ANK1: variants seen among roughly 807,000 people sequenced by gnomAD.
ANK1 encodes ankyrin-1.
ANK1 carries 51 observed loss-of-function variants against 210.4 expected under a neutral mutation model. The ratio of observed to expected loss-of-function variants is 0.24; its 90% confidence interval spans 0.19 to 0.31. The LOEUF (loss-of-function observed/expected upper bound fraction) is 0.31. Ranked by LOEUF, ANK1 falls within the 10% of genes least tolerant of loss-of-function variation. The pLI is 1.00. For synonymous variants in ANK1, 967 were observed against 1,025.9 expected (o/e 0.94, Z 1.10); for missense variants, 2,051 against 2,504.4 (o/e 0.82, Z 3.86).
At chr8:41,849,607 A>C (rs1330644476) in intron 1 of ANK1, among the ~76,000 whole-genome samples, 1 of 152,208 alleles carries the variant, frequency 6.6e-6, no homozygotes, top group African/African-American at 2.4e-5. Context: ...CAAAGGCAGG[A>C]TCCTGAGCAT....
intron 1 of ANK1, among the ~76,000 whole-genome samples, chr8:41,760,868 C>T (rs897849631): frequency 1.3e-5 from 2 of 152,092 alleles, no homozygotes; most frequent in Non-Finnish European, 2.9e-5. Context: ...TCCTCTCCAC[C>T]CAGGCACTTT....
At chr8:41,893,011 T>C (rs1412671650) in intron 1 of ANK1, among the ~76,000 whole-genome samples, 1 of 152,126 alleles carries the variant, frequency 6.6e-6, no homozygotes, top group African/African-American at 2.4e-5. Context: ...TGTGAACCTG[T>C]CACTCAGGGC....
chr8:41,818,398 C>T (rs1315085132), intron 1 of ANK1, among the ~76,000 whole-genome samples: 1 of 152,164 alleles, frequency 6.6e-6, no homozygotes. Context: ...TTGATTTCTG[C>T]TTTTAATCTT....
At chr8:41,833,171 G>A (rs917153569) in intron 1 of ANK1, among the ~76,000 whole-genome samples, 41 of 151,558 alleles carry the variant, frequency 2.7e-4, no homozygotes, top group African/African-American at 1.5e-4. Flanking sequence ...GGCCCATCCC[G>A]GGCCTCCCTC....
chr8:41,687,982 TC>T (rs550645725), intron 35 of ANK1, among the ~76,000 whole-genome samples, 173 bp downstream of exon 35: 101 of 152,276 alleles, frequency 6.6e-4, no homozygotes, highest in Admixed American at 1.8e-3. Flanking sequence ...GGCTCCCCCT[TC>T]ATGGGCAGCC....
At chr8:41,688,306 T>C in intron 34 of ANK1, 76 bp from the exon 35 acceptor site, 4 of 1,521,976 alleles carry the variant, frequency 2.6e-6, no homozygotes, top group Non-Finnish European at 3.6e-6. Context: ...CGGCCTGTGA[T>C]GGATGTGGCT....
At chr8:41,835,901 C>T (rs1025771463) in intron 1 of ANK1, among the ~76,000 whole-genome samples, 2 of 152,206 alleles carry the variant, frequency 1.3e-5, no homozygotes, top group Non-Finnish European at 2.9e-5. Context: ...CCTGGGAGGA[C>T]CCTCATGCCC....
chr8:41,659,343 G>T (rs1187304520), intron 42 of ANK1, among the ~76,000 whole-genome samples: 1 of 152,218 alleles, frequency 6.6e-6, no homozygotes, highest in Admixed American at 6.5e-5. Context: ...GAGGCAGAGT[G>T]TGGCATTGTT....
intron 23 of ANK1, among the ~76,000 whole-genome samples, chr8:41,698,953 C>T (rs964308167): frequency 2.0e-5 from 3 of 151,616 alleles, no homozygotes; most frequent in East Asian, 1.9e-4. Flanking sequence ...CGTGCTGCCA[C>T]GCTCAGCTAT....
intron 2 of ANK1, among the ~76,000 whole-genome samples, chr8:41,750,942 G>A (rs1443160512): frequency 6.6e-6 from 1 of 152,122 alleles, no homozygotes; most frequent in Non-Finnish European, 1.5e-5. Flanking sequence ...CAGCATCATC[G>A]GAATAGAACA....
At chr8:41,761,613 C>T (rs1176151018) in intron 1 of ANK1, among the ~76,000 whole-genome samples, 1 of 152,178 alleles carries the variant, frequency 6.6e-6, no homozygotes, top group Non-Finnish European at 1.5e-5. Flanking sequence ...AGTGTCAAGC[C>T]ACTAAGTGTG....
chr8:41,684,675 G>C lies in ANK1; in HGVS notation c.4406C>G (p.Thr1469Arg). ...GCCACGGTCAATGCTCTGCAGGGCTGTGTACAGATTCTCCACTGTGGGCGC... is the reference window on the plus strand; with the variant it reads ...GCCACGGTCAATGCTCTGCAGGGCTCTGTACAGATTCTCCACTGTGGGCGC... ...GQNANMENLY[T>R]ALQSIDRGEI... Residue 1469 changes from threonine (T) to arginine (R), a missense_variant, in exon 37 of 43, where the codon ACA (threonine) becomes AGA (arginine). Thr to Arg is a moderately conservative substitution (Grantham distance 71, BLOSUM62 -1). This residue lies in a region of ANK1 where 496 missense variants were observed against 533.4 expected (regional missense o/e 0.93). Transcript: ENST00000289734. The C allele has an allele frequency of 9.3e-6, 15 of 1,613,864 alleles. No homozygotes were observed. Among genetic ancestry groups the C allele is most frequent in the Non-Finnish European group, 1.1e-5 (13 of 1,180,008 alleles).
rs948965090 is a variant in ANK1, at chr8:41,889,293, G to A, written c.126+7062C>T. ...TCAGGTGCATCTGGGTTGGAGCCCA[G>A]TTCTGGGGTTATCAACCTATTGGGC... On this transcript the variant is annotated intron_variant, in intron 1 of 42. Transcript: ENST00000265709. Among the ~76,000 whole-genome samples, 9 of 152,228 alleles carry A rather than the reference G, an allele frequency of 5.9e-5. 1 individual carries two copies. In the East Asian group the frequency reaches 1.5e-3, roughly 26 times the overall value.
intron 1 of ANK1, among the ~76,000 whole-genome samples, chr8:41,873,972 C>A (rs1816070455): frequency 6.6e-6 from 1 of 152,236 alleles, no homozygotes; most frequent in Non-Finnish European, 1.5e-5. Context: ...CACAAACGCA[C>A]ATGCACACAC....
At chr8:41,885,268 G>A (rs952180079) in intron 1 of ANK1, among the ~76,000 whole-genome samples, 1 of 152,188 alleles carries the variant, frequency 6.6e-6, no homozygotes, top group African/African-American at 2.4e-5. Flanking sequence ...TGTAAGTCCT[G>A]TGTGGGGCAG....
upstream of ANK1, among the ~76,000 whole-genome samples, chr8:41,798,752 C>G (rs1849332238): frequency 6.6e-6 from 1 of 152,102 alleles, no homozygotes; most frequent in South Asian, 2.1e-4. Flanking sequence ...ATGGTTTCCT[C>G]TAGGGGTGGG....
At chr8:41,883,781 C>T (rs1817994743) in intron 1 of ANK1, among the ~76,000 whole-genome samples, 1 of 152,120 alleles carries the variant, frequency 6.6e-6, no homozygotes. Flanking sequence ...TCTTAAGAGT[C>T]CTCTAAACTA....
At chr8:41,724,288 C>CT (rs1349605264) in intron 7 of ANK1, among the ~76,000 whole-genome samples, 168 bp downstream of exon 7, 1 of 152,176 alleles carries the variant, frequency 6.6e-6, no homozygotes, top group African/African-American at 2.4e-5. Flanking sequence ...CAGGTGGAAA[C>CT]TGGGGGGTAG....
At chr8:41,839,079 A>T (rs988391800) in intron 1 of ANK1, among the ~76,000 whole-genome samples, 5 of 152,176 alleles carry the variant, frequency 3.3e-5, no homozygotes, top group Non-Finnish European at 7.3e-5. Context: ...TCCTTCTCAA[A>T]AAATAAATAA....
Sources: gnomAD v4.1 joint callset for allele counts (sites outside exome capture counted in the v4.1 genomes callset) on GRCh38, gnomAD v4.1.1 for gene constraint, gnomAD v4.1.1 regional missense constraint, MANE v1.5 for transcripts, NCBI Gene and HGNC (gene_info 2026-07-23, HGNC 2026-07-21) for gene names.